Variants in MITF observed in about 807,000 individuals in gnomAD.
The protein encoded by MITF is melanocyte inducing transcription factor, also known as microphthalmia-associated transcription factor.
Under a neutral mutation model 60.5 loss-of-function variants are expected in MITF, and 17 were observed. That is an observed-to-expected ratio of 0.28 (90% CI 0.19 to 0.42). The LOEUF (loss-of-function observed/expected upper bound fraction) is 0.42, where lower values mean the gene tolerates loss of function less well. MITF is among the 10% of genes least tolerant of loss of function. The pLI, the probability that MITF is intolerant of heterozygous loss-of-function variation, is 1.00. For missense variants in MITF, 622 were observed against 683.5 expected (o/e 0.91, Z 1.00); for synonymous variants, 260 against 248.5 (o/e 1.05, Z -0.43).
intron 2 of MITF, among the ~76,000 whole-genome samples, chr3:69,896,132 A>T (rs2064871645): frequency 6.6e-6 from 1 of 152,136 alleles, no homozygotes; most frequent in Non-Finnish European, 1.5e-5. Context: ...AAAACCTCCC[A>T]TGTTGTTGGC....
intron 1 of MITF, among the ~76,000 whole-genome samples, chr3:69,801,288 G>A (rs1489357652): frequency 6.6e-6 from 1 of 152,014 alleles, no homozygotes; most frequent in African/African-American, 2.4e-5. Flanking sequence ...CCATTCATTA[G>A]ATGTAATTTA....
At chr3:69,802,563 T>A (rs541668345) in intron 1 of MITF, among the ~76,000 whole-genome samples, 1 of 152,060 alleles carries the variant, frequency 6.6e-6, no homozygotes, top group Non-Finnish European at 1.5e-5. Flanking sequence ...TGAGGTGATG[T>A]GTGAGGGAAC....
At chr3:69,887,867 C>G (rs1330755621) in intron 2 of MITF, among the ~76,000 whole-genome samples, 1 of 151,966 alleles carries the variant, frequency 6.6e-6, no homozygotes, top group Non-Finnish European at 1.5e-5. Context: ...TGTCCTGATG[C>G]ATTTTATTTG....
intron 1 of MITF, among the ~76,000 whole-genome samples, chr3:69,856,794 C>G (rs939500512): frequency 1.3e-5 from 2 of 151,698 alleles, no homozygotes; most frequent in African/African-American, 4.8e-5. Flanking sequence ...TCCTTGTAAT[C>G]TCATATTTTC....
intron 2 of MITF, among the ~76,000 whole-genome samples, chr3:69,897,395 A>C (rs2107338580): frequency 6.6e-6 from 1 of 152,330 alleles, no homozygotes; most frequent in South Asian, 2.1e-4. Context: ...AAGAAGGCAT[A>C]ATACTATAAT....
At position 69,811,537 on chromosome 3, in the gene MITF, A is replaced by C. The variant is rs906575595; in HGVS notation, c.105-67597A>C. Among the ~76,000 whole-genome samples, 6 of 152,250 alleles carry C rather than the reference A, an allele frequency of 3.9e-5. No homozygotes were observed. In the Middle Eastern group the frequency reaches 0.014, roughly 345 times the overall value. On this transcript the variant is annotated intron_variant, in intron 1 of 9. Coordinates refer to ENST00000352241, the MANE Select transcript of MITF (RefSeq NM_001354604.2). ...TTGCTGCTCTACAGGGTATTGATTT[A>C]ATACCCCAGTATATGAATTATCTGT...
intron 1 of MITF, among the ~76,000 whole-genome samples, chr3:69,811,580 A>G (rs1352376977): frequency 6.6e-6 from 1 of 152,232 alleles, no homozygotes; most frequent in Non-Finnish European, 1.5e-5. Context: ...AATGGTTTCC[A>G]GCCTGCTGCC....
At chr3:69,854,413 C>T (rs1575823079) in intron 1 of MITF, among the ~76,000 whole-genome samples, 1 of 152,146 alleles carries the variant, frequency 6.6e-6, no homozygotes, top group East Asian at 1.9e-4. Context: ...TATGTACATC[C>T]TTACATATAC....
rs72318666 is a variant in MITF at position 69,750,383 on chromosome 3, C to CT, written c.104+10700dup. Among the ~76,000 whole-genome samples, 516 of 113,852 alleles carry CT rather than the reference C, an allele frequency of 4.5e-3. 4 individuals carry two copies. Among genetic ancestry groups the CT allele is most frequent in the African/African-American group, 0.012 (351 of 29,432 alleles). 74.7% of individuals were successfully genotyped at this position (113,852 alleles called of 152,430 possible). A position where few individuals can be genotyped will look rare whatever the true frequency, so the allele number is the denominator to read the frequency against. ...TTCTAGAGGAAACTATAGAGCTTTC[C>CT]TTTTTTTTTTTTTTTTTTCCTTTTT... On this transcript the variant is annotated intron_variant, in intron 1 of 9. Coordinates refer to ENST00000352241, the MANE Select transcript of MITF (RefSeq NM_001354604.2).
At chr3:69,964,079 C>T (rs756768195) in intron 9 of MITF, among the ~76,000 whole-genome samples, 19 of 141,708 alleles carry the variant, frequency 1.3e-4, no homozygotes, top group Admixed American at 6.0e-4. Context: ...CAGGTTCAAA[C>T]GATTCTCCTG....
At chr3:69,893,050 G>C (rs998027402) in intron 2 of MITF, among the ~76,000 whole-genome samples, 1 of 152,136 alleles carries the variant, frequency 6.6e-6, no homozygotes, top group East Asian at 1.9e-4. Context: ...CGTCCAGCAC[G>C]ATGACCAAGT....
At chr3:69,943,573 T>C (rs2066021542) in intron 5 of MITF, among the ~76,000 whole-genome samples, 1 of 152,154 alleles carries the variant, frequency 6.6e-6, no homozygotes, top group Non-Finnish European at 1.5e-5. Flanking sequence ...TAATATCAAA[T>C]AATATTGATA....
chr3:69,953,680 GAGAGAGAGAC>G (rs1239491076), intron 7 of MITF, among the ~76,000 whole-genome samples: 4 of 148,170 alleles, frequency 2.7e-5, no homozygotes, highest in East Asian at 3.9e-4. Flanking sequence ...GAGAGAGAGA[GAGAGAGAGAC>G]AGAGACAGAG....
At chr3:69,892,279 T>A (rs1384734472) in intron 2 of MITF, among the ~76,000 whole-genome samples, 4 of 152,252 alleles carry the variant, frequency 2.6e-5, no homozygotes, top group Non-Finnish European at 5.9e-5. Context: ...ATATTATTTT[T>A]TGTTTTTTAG....
At chr3:69,919,846 A>G (rs2065422599) in intron 2 of MITF, among the ~76,000 whole-genome samples, 1 of 151,860 alleles carries the variant, frequency 6.6e-6, no homozygotes, top group Non-Finnish European at 1.5e-5. Flanking sequence ...TTTTGTTGTT[A>G]TTGTTGCTGC....
intron 1 of MITF, among the ~76,000 whole-genome samples, chr3:69,770,977 G>A (rs1238574474): frequency 6.6e-6 from 1 of 152,156 alleles, no homozygotes; most frequent in African/African-American, 2.4e-5. Context: ...TGAAATGCAC[G>A]TGTTACTTAG....
At chr3:69,751,910 A>G (rs1204841602) in intron 1 of MITF, 1 of 152,148 alleles carries the variant, frequency 6.6e-6, no homozygotes, top group Non-Finnish European at 1.5e-5. Flanking sequence ...TCCTGTTCTC[A>G]TAATAGTGAG....
rs2107275859 is a variant in MITF, at chr3:69,879,154, G to T, written c.125G>T (p.Gly42Val). 1 of 1,614,138 alleles carries T rather than the reference G, an allele frequency of 6.2e-7. No individual in the cohort carries two copies. Among genetic ancestry groups the T allele is most frequent in the Non-Finnish European group, 8.5e-7 (1 of 1,180,026 alleles). Residue 42 changes from glycine to valine, a missense_variant, in exon 2 of 10, where the codon GGG becomes GTG. Gly to Val is a moderately radical substitution (Grantham distance 109, BLOSUM62 -3). Transcript: ENST00000352241. ...CACAGCAGTTCCGCCGAGCATCCTG[G>T]GGCCTCCAAGCCTCCGATAAGCTCC... ...LKSSSSAEHP[G>V]ASKPPISSSS...
intron 1 of MITF, among the ~76,000 whole-genome samples, chr3:69,847,312 G>T (rs573534605): frequency 6.6e-6 from 1 of 152,332 alleles, no homozygotes; most frequent in African/African-American, 2.4e-5. Flanking sequence ...TCGGAAGACA[G>T]TGTTGGAGTC....
Sources: gnomAD v4.1 joint callset for allele counts (sites outside exome capture counted in the v4.1 genomes callset) on GRCh38, gnomAD v4.1.1 for gene constraint, MANE v1.5 for transcripts, NCBI Gene and HGNC (gene_info 2026-07-23, HGNC 2026-07-21) for gene names.